PDGFRL: variants seen among roughly 807,000 people sequenced by gnomAD.
PDGFRL encodes the protein platelet derived growth factor receptor like, also known as platelet-derived growth factor receptor-like protein.
Under a neutral mutation model 37.2 loss-of-function variants are expected in PDGFRL, and 46 were observed. The observed-to-expected ratio is 1.24, with a 90% CI of 0.98 to 1.58. The LOEUF (loss-of-function observed/expected upper bound fraction) is 1.58, where lower values mean the gene tolerates loss of function less well. PDGFRL is among the 40% of genes most tolerant of loss of function. PDGFRL has a pLI of 0.00. For missense variants in PDGFRL, 692 were observed against 467.6 expected (o/e 1.48, Z -4.43); for synonymous variants, 251 against 184.3 (o/e 1.36, Z -2.93).
intron 2 of PDGFRL, among the ~76,000 whole-genome samples, chr8:17,616,306 T>C (rs1804526440): frequency 6.6e-6 from 1 of 152,122 alleles, no homozygotes; most frequent in Non-Finnish European, 1.5e-5. Context: ...GCGATTGTCC[T>C]GCGTCAGCCT....
chr8:17,621,370 C>T (rs1049261941), intron 3 of PDGFRL, among the ~76,000 whole-genome samples, 168 bp downstream of exon 3: 1 of 151,520 alleles, frequency 6.6e-6, no homozygotes, highest in Admixed American at 6.6e-5. Flanking sequence ...TAAGTCTTAC[C>T]GTAACCCTTC....
chr8:17,605,644 G>A (rs994046477), intron 2 of PDGFRL, among the ~76,000 whole-genome samples: 1 of 152,204 alleles, frequency 6.6e-6, no homozygotes, highest in Non-Finnish European at 1.5e-5. Flanking sequence ...TAGGAACAAG[G>A]AGACGTTGGA....
intron 4 of PDGFRL, among the ~76,000 whole-genome samples, chr8:17,631,077 C>G (rs1804851846): frequency 6.6e-6 from 1 of 152,082 alleles, no homozygotes; most frequent in South Asian, 2.1e-4. Context: ...TTGTCCAGAG[C>G]TCTTTTGCCC....
intron 2 of PDGFRL, chr8:17,596,412 C>G (rs975246667): frequency 6.8e-6 from 5 of 731,874 alleles, no homozygotes; most frequent in Non-Finnish European, 9.4e-6. Context: ...ACCTTATTCA[C>G]CAAAGTCAGA....
At chr8:17,605,660 C>T (rs911341945) in intron 2 of PDGFRL, among the ~76,000 whole-genome samples, 1 of 152,194 alleles carries the variant, frequency 6.6e-6, no homozygotes, top group African/African-American at 2.4e-5. Flanking sequence ...TTGGAGATTT[C>T]AGCTATGTTG....
chr8:17,617,544 G>A (rs535081072), intron 2 of PDGFRL, among the ~76,000 whole-genome samples: 4 of 152,188 alleles, frequency 2.6e-5, no homozygotes, highest in African/African-American at 7.2e-5. Flanking sequence ...AACCCCTTGC[G>A]TAGTCTGCTG....
chr8:17,604,486 C>T (rs1804230601), intron 2 of PDGFRL, among the ~76,000 whole-genome samples: 1 of 150,208 alleles, frequency 6.7e-6, no homozygotes, highest in Non-Finnish European at 1.5e-5. Flanking sequence ...GTCGTAAGGA[C>T]AAAAAACCAA....
At chr8:17,625,064 T>C (rs1009531414) in intron 3 of PDGFRL, among the ~76,000 whole-genome samples, 1 of 152,122 alleles carries the variant, frequency 6.6e-6, no homozygotes, top group African/African-American at 2.4e-5. Flanking sequence ...TATGTATACA[T>C]GTGCCATGCT....
chr8:17,625,831 C>A (rs1218978696), intron 3 of PDGFRL, among the ~76,000 whole-genome samples: 1 of 151,518 alleles, frequency 6.6e-6, no homozygotes, highest in Non-Finnish European at 1.5e-5. Context: ...TCTAGAAAAA[C>A]TAAAAAATAA....
intron 2 of PDGFRL, among the ~76,000 whole-genome samples, chr8:17,603,367 G>C (rs1804206333): frequency 6.6e-6 from 1 of 152,154 alleles, no homozygotes; most frequent in South Asian, 2.1e-4. Context: ...TCATGCCCCT[G>C]TCCCCTGCTG....
intron 1 of PDGFRL, among the ~76,000 whole-genome samples, chr8:17,585,589 G>C (rs1803798454): frequency 6.6e-6 from 1 of 152,118 alleles, no homozygotes. Context: ...TAACTAATTG[G>C]GAAGCAACTG....
At chr8:17,608,963 A>G (rs1271927757) in intron 2 of PDGFRL, among the ~76,000 whole-genome samples, 1 of 152,206 alleles carries the variant, frequency 6.6e-6, no homozygotes, top group Non-Finnish European at 1.5e-5. Flanking sequence ...TCATGCCTGT[A>G]ATCCCAGCAC....
At chr8:17,629,251 C>G (rs1045678810) in intron 4 of PDGFRL, among the ~76,000 whole-genome samples, 1 of 152,042 alleles carries the variant, frequency 6.6e-6, no homozygotes, top group Admixed American at 6.6e-5. Context: ...TTCTTAAAGG[C>G]TTCCCTTCTG....
At chr8:17,615,264 A>C (rs1387992784) in intron 2 of PDGFRL, among the ~76,000 whole-genome samples, 1 of 152,060 alleles carries the variant, frequency 6.6e-6, no homozygotes, top group African/African-American at 2.4e-5. Flanking sequence ...TGGAATTTAA[A>C]ATTCTGAGCT....
intron 2 of PDGFRL, among the ~76,000 whole-genome samples, chr8:17,605,141 G>C (rs1477365935): frequency 1.3e-5 from 2 of 152,078 alleles, no homozygotes; most frequent in African/African-American, 4.8e-5. Flanking sequence ...AAGGGAGAGA[G>C]AGAGACAGGG....
chr8:17,616,287 C>T (rs573908031), intron 2 of PDGFRL, among the ~76,000 whole-genome samples: 15 of 152,198 alleles, frequency 9.9e-5, no homozygotes, highest in African/African-American at 2.6e-4. Flanking sequence ...CTCCGCCTCC[C>T]GGGTTCAAGC....
intron 1 of PDGFRL, among the ~76,000 whole-genome samples, chr8:17,584,187 C>T (rs117022483): frequency 1.3e-5 from 2 of 152,144 alleles, no homozygotes; most frequent in Non-Finnish European, 2.9e-5. Flanking sequence ...AAATTTAAAA[C>T]AAGTGCGACT....
chr8:17,642,910 C>T lies in PDGFRL; in HGVS notation c.*109C>T, dbSNP rs1377312244. The T allele has an allele frequency of 7.3e-6, 5 of 683,272 alleles. No homozygotes were observed. Among genetic ancestry groups the T allele is most frequent in the Non-Finnish European group, 1.3e-5 (5 of 392,228 alleles). The allele number at this position is 683,272 out of a possible 1,614,324, so 42.3% of individuals were successfully genotyped here. A position where few individuals can be genotyped will look rare whatever the true frequency, so the allele number is the denominator to read the frequency against. On this transcript the variant is annotated 3_prime_UTR_variant, in exon 6 of 6. Transcript: ENST00000251630. ...CCAGAGGCTGATGTCAAGCACCACA[C>T]CCCAACCCCAGCGTCTCGTGAGTCC...
intron 2 of PDGFRL, among the ~76,000 whole-genome samples, chr8:17,616,273 C>T (rs1323029407): frequency 6.6e-6 from 1 of 152,122 alleles, no homozygotes; most frequent in Non-Finnish European, 1.5e-5. Context: ...CAGCTCACTG[C>T]AACCTCCGCC....
Sources: gnomAD v4.1 joint callset for allele counts (sites outside exome capture counted in the v4.1 genomes callset) on GRCh38, gnomAD v4.1.1 for gene constraint, MANE v1.5 for transcripts, NCBI Gene and HGNC (gene_info 2026-07-23, HGNC 2026-07-21) for gene names.